Variants in DROSHA observed in about 807,000 individuals in gnomAD.
DROSHA encodes the protein drosha ribonuclease III.
DROSHA carries 56 observed loss-of-function variants against 181.9 expected under a neutral mutation model. The observed-to-expected ratio is 0.31, with a 90% CI of 0.25 to 0.38. The LOEUF (loss-of-function observed/expected upper bound fraction) is 0.38. Among genes scored for constraint, DROSHA ranks in the 10% least tolerant of loss-of-function variants. The pLI is 1.00. For synonymous variants in DROSHA, 524 were observed against 591.2 expected (o/e 0.89, Z 1.65); for missense variants, 1,218 against 1,743.5 (o/e 0.70, Z 5.37).
intron 4 of DROSHA, 59 bp downstream of exon 4, chr5:31,528,981 C>G (rs1371372779): frequency 3.7e-6 from 6 of 1,603,458 alleles, no homozygotes; most frequent in Non-Finnish European, 5.1e-6. Context: ...AGCCCAGCAC[C>G]AATGTCTGCT....
chr5:31,509,312 T>A (rs1398539799), intron 9 of DROSHA, among the ~76,000 whole-genome samples: 2 of 151,112 alleles, frequency 1.3e-5, no homozygotes, highest in Non-Finnish European at 2.9e-5. Context: ...AAAATAAAGA[T>A]CTTTAGAGAG....
chr5:31,408,934 G>A, intron 33 of DROSHA, 122 bp downstream of exon 33: 1 of 871,046 alleles, frequency 1.1e-6, no homozygotes, highest in Non-Finnish European at 1.7e-6. Flanking sequence ...TAACAGCCAA[G>A]AAGTCTCAAT....
In DROSHA at chr5:31,499,684, G is replaced by C. The variant is rs538126252; in HGVS notation, c.1669-4312C>G. Among the ~76,000 whole-genome samples the C allele has an allele frequency of 2.0e-5, 3 of 152,316 alleles. No homozygotes were observed. In the East Asian group the frequency reaches 5.8e-4, roughly 29 times the overall value. On this transcript the variant is annotated intron_variant, in intron 11 of 35. Coordinates refer to ENST00000344624, the MANE Select transcript of DROSHA (RefSeq NM_001382508.1). Reference sequence around the variant, plus strand: ...CCTTAGTCTGCCCAGAAATCACCTGGAGGGCTGGTTAAATCTCAGACTGCT... The same window carrying C: ...CCTTAGTCTGCCCAGAAATCACCTGCAGGGCTGGTTAAATCTCAGACTGCT...
At chr5:31,412,617 G>C (rs970102817) in intron 30 of DROSHA, among the ~76,000 whole-genome samples, 3 of 152,262 alleles carry the variant, frequency 2.0e-5, no homozygotes, top group Non-Finnish European at 4.4e-5. Flanking sequence ...AGCCATGCTT[G>C]CTGTTGAATT....
chr5:31,526,435 A>G lies in DROSHA; in HGVS notation c.498T>C (p.Tyr166=), dbSNP rs1740578202. ...PPPVMPQQVN[Y]QYPPGYSHHN... is the part of the protein sequence containing the mutation. ...GGTGAGAATAGCCCGGAGGGTACTG[A>G]TAATTAACCTGCTGCGGCATGACTG... The change falls in exon 5 of 36, where the codon TAT becomes TAC. Residue 166 remains tyrosine (Y), a synonymous_variant. Transcript: ENST00000344624. The G allele has an allele frequency of 1.9e-6, 3 of 1,610,050 alleles. No homozygotes were observed. The highest frequency in any genetic ancestry group is 1.7e-6 in the Non-Finnish European group (2 of 1,178,998).
rs1580060571 is a variant in DROSHA, at chr5:31,429,694, A to G, written c.3146-149T>C. 4 of 596,638 alleles carry G rather than the reference A, an allele frequency of 6.7e-6. No homozygotes were observed. In the East Asian group the frequency reaches 1.2e-4, roughly 17 times the overall value. 37.0% of individuals were successfully genotyped at this position (596,638 alleles called of 1,614,324 possible). On this transcript the variant is annotated intron_variant, in intron 26 of 35. Transcript: ENST00000344624. ...CAGAAGCAATTGTCTTAAAGGTGACATTTCCCCTTTTTGCTATCCTTTGCA... is the reference window on the plus strand; with the variant it reads ...CAGAAGCAATTGTCTTAAAGGTGACGTTTCCCCTTTTTGCTATCCTTTGCA...
chr5:31,515,683 A>G (rs1236887190), intron 6 of DROSHA, 119 bp from the exon 7 acceptor site: 1 of 1,382,788 alleles, frequency 7.2e-7, no homozygotes, highest in African/African-American at 1.5e-5. Context: ...AAAGATTTTA[A>G]GACTTCACAA....
chr5:31,512,915 A>AC lies in DROSHA; in HGVS notation c.1291-1740dup, dbSNP rs139028126. ...GCCAGCAACCTGAATGAGCAAGAAA[A>AC]CAGATTTTCTCCAGAGCCTCCATAA... On this transcript the variant is annotated intron_variant, in intron 8 of 35. Coordinates refer to ENST00000344624, the MANE Select transcript of DROSHA (RefSeq NM_001382508.1). 4.6e-5 allele frequency among the ~76,000 whole-genome samples: 7 copies of AC among 152,294 alleles called. No homozygotes were observed. In the East Asian group the frequency reaches 1.4e-3, roughly 29 times the overall value.
At chr5:31,463,985 G>A (rs562707276) in intron 20 of DROSHA, 2 of 475,760 alleles carry the variant, frequency 4.2e-6, no homozygotes, top group African/African-American at 2.0e-5. Context: ...AGAAGACACT[G>A]AACTGAACAC....
In DROSHA at chr5:31,514,932, A is replaced by C. The variant is rs562489032; in HGVS notation, c.1290+56T>G. 6.5e-7 allele frequency: 1 copy of C among 1,535,878 alleles called. No homozygotes were observed. The highest frequency in any genetic ancestry group is 1.4e-5 in the African/African-American group (1 of 72,742). On this transcript the variant is annotated intron_variant, in intron 8 of 35. Transcript: ENST00000344624. This position sits in a 1 kb window ranked among gnomAD's most constrained non-coding sequence, Gnocchi z 4.4. ...AGAATTTATCCAGCCCCAAAGGCCA[A>C]TAGTGACAACGCCGAGAAGCCCTAG...
rs1446488109 is a variant in DROSHA, at chr5:31,508,741, C to T, written c.1467G>A (p.Glu489=). 3.1e-6 allele frequency: 5 copies of T among 1,613,848 alleles called. No homozygotes were observed. Among genetic ancestry groups the T allele is most frequent in the Non-Finnish European group, 4.2e-6 (5 of 1,179,860 alleles). ...CTGAGCTGCTAGAACAGGTGCTGTC[C>T]TCATCAGACTCACACTCGGATTCAC... is the stretch of plus-strand genomic sequence containing the variant. ...SSSESECESD[E]DSTCSSSSDS... Residue 489 remains glutamate (E), a synonymous_variant, in exon 10 of 36, where the codon GAG becomes GAA. Transcript: ENST00000344624.
chr5:31,418,651 G>GA (rs1170657855), intron 30 of DROSHA, among the ~76,000 whole-genome samples: 7 of 152,112 alleles, frequency 4.6e-5, no homozygotes, highest in African/African-American at 9.7e-5. Context: ...GTGGGTGACA[G>GA]AAAAAAGCTC....
At position 31,511,032 on chromosome 5, in the gene DROSHA, C is replaced by G; in HGVS notation, c.1432+3G>C. On this transcript the variant is annotated splice_donor_region_variant and intron_variant, in intron 9 of 35. Coordinates refer to ENST00000344624, the MANE Select transcript of DROSHA (RefSeq NM_001382508.1). ...CTCAGGCTAGTTAGTGACTCTGACT[C>G]ACCTAAATCTTCATCGAGCTTCGTC... is the stretch of plus-strand genomic sequence containing the variant. The G allele has an allele frequency of 6.2e-7, 1 of 1,613,882 alleles. No homozygotes were observed. The highest frequency in any genetic ancestry group is 8.5e-7 in the Non-Finnish European group (1 of 1,179,850).
intron 20 of DROSHA, among the ~76,000 whole-genome samples, chr5:31,457,489 G>A (rs1747815650): frequency 6.6e-6 from 1 of 151,970 alleles, no homozygotes; most frequent in South Asian, 2.1e-4. Flanking sequence ...AAGGATACAA[G>A]CAACAGAGAT....
At chr5:31,456,543 A>G (rs1245692260) in intron 20 of DROSHA, among the ~76,000 whole-genome samples, 3 of 152,056 alleles carry the variant, frequency 2.0e-5, no homozygotes, top group Non-Finnish European at 4.4e-5. Context: ...AAATGTAATT[A>G]TACTATAAAG....
At chr5:31,491,894 A>G (rs1752472585) in intron 13 of DROSHA, among the ~76,000 whole-genome samples, 2 of 152,220 alleles carry the variant, frequency 1.3e-5, no homozygotes, top group South Asian at 4.1e-4. Flanking sequence ...TCCCAGGTTC[A>G]AATGATTCTT....
At chr5:31,529,465 G>A (rs1001798911) in intron 3 of DROSHA, among the ~76,000 whole-genome samples, 3 of 152,162 alleles carry the variant, frequency 2.0e-5, no homozygotes, top group African/African-American at 7.2e-5. Flanking sequence ...GCCGGGCATG[G>A]TAGTTCACGC....
rs547160367 is a variant in DROSHA at position 31,505,117 on chromosome 5, CA to C, written c.1588-483del. Among the ~76,000 whole-genome samples the C allele has an allele frequency of 9.6e-4, 146 of 152,288 alleles. 1 individual carries two copies. Among genetic ancestry groups the C allele is most frequent in the East Asian group, 7.3e-3 (38 of 5,186 alleles). ...TGCTACTAAAGCCAGAAGAACTTCC[CA>C]CACTGCTCAGGTTAGATTACATCTC... On this transcript the variant is annotated intron_variant, in intron 10 of 35. Coordinates refer to ENST00000344624, the MANE Select transcript of DROSHA (RefSeq NM_001382508.1).
chr5:31,528,349 A>G (rs1740838663), intron 4 of DROSHA, among the ~76,000 whole-genome samples: 3 of 152,086 alleles, frequency 2.0e-5, no homozygotes, highest in Admixed American at 2.0e-4. Context: ...TCAACATAAC[A>G]TATGCTAAAA....
Sources: gnomAD v4.1 joint callset for allele counts (sites outside exome capture counted in the v4.1 genomes callset) on GRCh38, gnomAD v4.1.1 for gene constraint, Gnocchi (gnomAD v3.1) non-coding constraint, MANE v1.5 for transcripts, NCBI Gene and HGNC (gene_info 2026-07-23, HGNC 2026-07-21) for gene names.